KDM4C: variants seen among roughly 807,000 people sequenced by gnomAD.
KDM4C encodes the protein lysine demethylase 4C, also known as lysine-specific demethylase 4C.
A neutral mutation model predicts 129.3 loss-of-function variants in KDM4C; 81 were observed. The ratio of observed to expected loss-of-function variants is 0.63; its 90% CI spans 0.52 to 0.75. The LOEUF is 0.75. KDM4C is among the 30% of genes least tolerant of loss of function. KDM4C has a pLI of 0.00. For missense variants in KDM4C, 1,457 were observed against 1,304.0 expected (o/e 1.12, Z -1.81); for synonymous variants, 573 against 456.1 (o/e 1.26, Z -3.26).
chr9:7,009,866 AT>A, intron 12 of KDM4C, among the ~76,000 whole-genome samples: 1 of 152,314 alleles, frequency 6.6e-6, no homozygotes, highest in East Asian at 1.9e-4. Context: ...ACATTAGAAC[AT>A]TTCTCATAGA....
intron 15 of KDM4C, among the ~76,000 whole-genome samples, chr9:7,021,154 G>T (rs201949165): frequency 2.3e-5 from 3 of 131,484 alleles, no homozygotes; most frequent in Non-Finnish European, 4.9e-5. Context: ...ATATATATAT[G>T]TATTTTTTTT....
chr9:6,728,885 T>C (rs1483479866), intron 1 of KDM4C, among the ~76,000 whole-genome samples: 1 of 150,988 alleles, frequency 6.6e-6, no homozygotes, highest in Non-Finnish European at 1.5e-5. Flanking sequence ...TTCTCATTAA[T>C]GTGTGGCCAG....
chr9:6,766,584 A>G (rs572190258), intron 1 of KDM4C, among the ~76,000 whole-genome samples: 2 of 152,152 alleles, frequency 1.3e-5, no homozygotes, highest in East Asian at 3.9e-4. Context: ...TTGGAAGACT[A>G]ATGTCTTCAG....
chr9:6,925,529 C>G, intron 8 of KDM4C: 1 of 903,580 alleles, frequency 1.1e-6, no homozygotes, highest in Non-Finnish European at 1.3e-6. Context: ...CTCCTGGCAT[C>G]AAGCAGTCCT....
At chr9:7,069,452 C>T (rs796704098) in intron 17 of KDM4C, among the ~76,000 whole-genome samples, 10 of 152,266 alleles carry the variant, frequency 6.6e-5, no homozygotes, top group African/African-American at 1.7e-4. Flanking sequence ...CTCTAGGTTA[C>T]AGTGAGCCAT....
chr9:7,161,691 C>T (rs1843816479), intron 19 of KDM4C, among the ~76,000 whole-genome samples: 1 of 152,128 alleles, frequency 6.6e-6, no homozygotes, highest in South Asian at 2.1e-4. Flanking sequence ...GGCTTTATTG[C>T]CTCCTAGTGT....
At chr9:7,159,553 C>T (rs930048576) in intron 19 of KDM4C, among the ~76,000 whole-genome samples, 2 of 152,140 alleles carry the variant, frequency 1.3e-5, no homozygotes, top group Non-Finnish European at 2.9e-5. Context: ...TCAGCATTTG[C>T]TTGTCTGTAA....
intron 15 of KDM4C, among the ~76,000 whole-genome samples, chr9:7,024,727 C>T (rs1288792375): frequency 2.0e-5 from 3 of 152,314 alleles, no homozygotes; most frequent in South Asian, 2.1e-4. Flanking sequence ...TTAATCCAGT[C>T]TACCATTGTT....
intron 8 of KDM4C, among the ~76,000 whole-genome samples, chr9:6,962,456 A>G (rs1190649175): frequency 2.0e-5 from 3 of 152,230 alleles, no homozygotes; most frequent in Non-Finnish European, 4.4e-5. Flanking sequence ...TCACATAATC[A>G]GACCGTATGA....
At chr9:6,926,711 C>T (rs1035894206) in intron 8 of KDM4C, among the ~76,000 whole-genome samples, 1 of 152,168 alleles carries the variant, frequency 6.6e-6, no homozygotes, top group African/African-American at 2.4e-5. Context: ...GAGAAACGGA[C>T]ATTCAGAAAT....
intron 2 of KDM4C, among the ~76,000 whole-genome samples, chr9:6,798,139 A>G (rs1481808387): frequency 1.3e-5 from 2 of 152,226 alleles, no homozygotes; most frequent in African/African-American, 4.8e-5. Flanking sequence ...ACTTGTACAC[A>G]AAAAGCACAA....
chr9:6,981,772 TA>T (rs1816802975), intron 9 of KDM4C: 1 of 201,192 alleles, frequency 5.0e-6, no homozygotes, highest in Non-Finnish European at 1.2e-5. Flanking sequence ...GGCTACCTTT[TA>T]AGGGTCTTAT....
At chr9:7,048,363 G>C (rs891832581) in intron 16 of KDM4C, among the ~76,000 whole-genome samples, 2 of 151,998 alleles carry the variant, frequency 1.3e-5, no homozygotes, top group African/African-American at 4.8e-5. Flanking sequence ...ATATGCTTTG[G>C]CTTAAAAATA....
chr9:6,734,330 T>C (rs541760340), intron 1 of KDM4C, among the ~76,000 whole-genome samples: 6 of 150,312 alleles, frequency 4.0e-5, no homozygotes, highest in Non-Finnish European at 7.4e-5. Context: ...GTTTCGCTCT[T>C]GTTGCCCAGG....
At chr9:6,867,017 ATTTTTTTT>A (rs139668753) in intron 5 of KDM4C, among the ~76,000 whole-genome samples, 87 of 83,758 alleles carry the variant, frequency 1.0e-3, no homozygotes, top group East Asian at 7.8e-3. Context: ...ATATATATAT[ATTTTTTTT>A]TTTTTTTGGA....
rs141089989 is a variant in KDM4C at position 7,087,429 on chromosome 9, A to G, written c.2425-16256A>G. 1.7e-3 allele frequency among the ~76,000 whole-genome samples: 253 copies of G among 152,324 alleles called. 3 individuals are homozygous for G. The highest frequency in any genetic ancestry group is 5.7e-3 in the African/African-American group (239 of 41,584). On this transcript the variant is annotated intron_variant, in intron 17 of 21. Transcript: ENST00000381309. ...AAATATACTTTTTTCTTTAATAATT[A>G]CCAATGTTATAGTACATGTGTAGCT...
At chr9:6,967,156 G>A (rs1029501760) in intron 8 of KDM4C, among the ~76,000 whole-genome samples, 9 of 152,294 alleles carry the variant, frequency 5.9e-5, no homozygotes, top group Admixed American at 5.9e-4. Context: ...GGGCATGGTG[G>A]CTCACACCTG....
chr9:6,972,166 CAA>C (rs1175253708), intron 8 of KDM4C, among the ~76,000 whole-genome samples: 4 of 151,974 alleles, frequency 2.6e-5, no homozygotes, highest in African/African-American at 9.7e-5. Context: ...AGTGAGAGAT[CAA>C]GAGAGAGACC....
intron 12 of KDM4C, among the ~76,000 whole-genome samples, chr9:7,000,492 T>C (rs1820533030): frequency 6.6e-6 from 1 of 152,218 alleles, no homozygotes; most frequent in Admixed American, 6.5e-5. Flanking sequence ...CTTGTTATTT[T>C]TTTAAAATTA....
Sources: gnomAD v4.1 joint callset for allele counts (sites outside exome capture counted in the v4.1 genomes callset) on GRCh38, gnomAD v4.1.1 for gene constraint, MANE v1.5 for transcripts, NCBI Gene and HGNC (gene_info 2026-07-23, HGNC 2026-07-21) for gene names.